The following STX8 variants were observed in gnomAD, a reference collection of about 807,000 sequenced individuals.
The protein encoded by STX8 is syntaxin 8.
In STX8, 23 loss-of-function variants were observed where a neutral mutation model predicts 37.5. The ratio of observed to expected loss-of-function variants is 0.61; its 90% confidence interval spans 0.44 to 0.87. STX8 has a LOEUF of 0.87. Among genes scored for constraint, STX8 ranks in the 40% least tolerant of loss-of-function variants. The probability of loss-of-function intolerance (pLI) is 0.00; values close to 1 mark genes in which losing one functional copy is unlikely to be tolerated. For synonymous variants in STX8, 115 were observed against 99.1 expected (o/e 1.16, Z -0.95); for missense variants, 313 against 284.7 (o/e 1.10, Z -0.71).
chr17:9,549,846 G>A (rs1906692641), intron 3 of STX8, among the ~76,000 whole-genome samples: 1 of 152,180 alleles, frequency 6.6e-6, no homozygotes, highest in South Asian at 2.1e-4. Context: ...TATACAGCAT[G>A]TATGTGGACA....
intron 7 of STX8, among the ~76,000 whole-genome samples, chr17:9,361,185 G>A (rs1042617525): frequency 1.3e-5 from 2 of 152,046 alleles, no homozygotes; most frequent in African/African-American, 4.8e-5. Flanking sequence ...GTCAATTAAT[G>A]GATCCCTAGA....
Position 9,535,424 on chromosome 17 carries a change from C to CCTTTTTTTTTTTTT in STX8, c.323+9747_323+9748insAAAAAAAAAAAAAG, listed in dbSNP as rs1905992804. 3.3e-4 allele frequency among the ~76,000 whole-genome samples: 17 copies of CCTTTTTTTTTTTTT among 51,564 alleles called. 2 individuals are homozygous for CCTTTTTTTTTTTTT. Among genetic ancestry groups the CCTTTTTTTTTTTTT allele is most frequent in the African/African-American group, 1.2e-3 (16 of 13,610 alleles). 33.8% of individuals were successfully genotyped at this position (51,564 alleles called of 152,430 possible). On this transcript the variant is annotated intron_variant, in intron 4 of 7. Coordinates refer to ENST00000306357, the MANE Select transcript of STX8 (RefSeq NM_004853.3). ...CATACCCTCTGACCCAGCCATCCTA[C>CCTTTTTTTTTTTTT]TTTTTTTTTTTTTTTTTTTTTTTTT...
At chr17:9,351,176 CTTTTTT>C (rs71135970) in intron 7 of STX8, among the ~76,000 whole-genome samples, 4 of 99,814 alleles carry the variant, frequency 4.0e-5, no homozygotes, top group African/African-American at 1.2e-4. Flanking sequence ...ATTTCCTTGT[CTTTTTT>C]TTTTTTTTTT....
At chr17:9,563,714 T>C (rs1308208651) in intron 2 of STX8, among the ~76,000 whole-genome samples, 1 of 152,150 alleles carries the variant, frequency 6.6e-6, no homozygotes, top group African/African-American at 2.4e-5. Context: ...CTGAACAATG[T>C]AAATGTTTTA....
chr17:9,474,092 G>T (rs140464230), intron 6 of STX8, among the ~76,000 whole-genome samples: 377 of 152,254 alleles, frequency 2.5e-3, no homozygotes, highest in African/African-American at 8.8e-3. Flanking sequence ...AAGGTTCAGG[G>T]AGCTGCTGGA....
chr17:9,455,873 A>G (rs1905172683), intron 6 of STX8, among the ~76,000 whole-genome samples: 1 of 152,154 alleles, frequency 6.6e-6, no homozygotes, highest in Admixed American at 6.5e-5. Context: ...TTGCTACTAT[A>G]AGGGGGAGGT....
intron 6 of STX8, among the ~76,000 whole-genome samples, chr17:9,450,057 T>TAA (rs79557365): frequency 3.3e-5 from 5 of 151,504 alleles, no homozygotes; most frequent in South Asian, 2.1e-4. Context: ...AAATTGTTCA[T>TAA]AAAAAAAAGA....
intron 7 of STX8, among the ~76,000 whole-genome samples, chr17:9,316,069 C>T (rs576742136): frequency 1.3e-5 from 2 of 151,682 alleles, no homozygotes; most frequent in East Asian, 3.9e-4. Flanking sequence ...ATATGAACCT[C>T]GTGATTCATC....
chr17:9,432,715 C>G (rs1360697914), intron 6 of STX8, among the ~76,000 whole-genome samples: 1 of 152,228 alleles, frequency 6.6e-6, no homozygotes, highest in Non-Finnish European at 1.5e-5. Flanking sequence ...CACCACGTGT[C>G]TGTTTCAGAG....
intron 6 of STX8, among the ~76,000 whole-genome samples, chr17:9,452,900 G>A (rs773497505): frequency 6.6e-6 from 1 of 151,810 alleles, no homozygotes; most frequent in Non-Finnish European, 1.5e-5. Context: ...CTGCCTCCCG[G>A]GTTCAAGCTA....
In STX8 at chr17:9,458,340, G is replaced by A. The variant is rs886462756; in HGVS notation, c.541+33489C>T. Among the ~76,000 whole-genome samples, 41 of 152,108 alleles carry A rather than the reference G, an allele frequency of 2.7e-4. No homozygotes were observed. In the South Asian group the frequency reaches 7.3e-3, roughly 27 times the overall value. On this transcript the variant is annotated intron_variant, in intron 6 of 7. Transcript: ENST00000306357. Reference sequence around the variant, plus strand: ...AATTTTTTGTATTTTTAGTAGAGATGGGGTTTCACCGTGTCAGCCAGGATG... The same window carrying A: ...AATTTTTTGTATTTTTAGTAGAGATAGGGTTTCACCGTGTCAGCCAGGATG...
intron 4 of STX8, among the ~76,000 whole-genome samples, chr17:9,517,765 G>A (rs998224513): frequency 1.4e-5 from 2 of 139,546 alleles, no homozygotes; most frequent in Non-Finnish European, 3.1e-5. Context: ...ACCAGCCTGG[G>A]CAACAAAGCA....
chr17:9,454,573 G>A (rs182162549), intron 6 of STX8, among the ~76,000 whole-genome samples: 375 of 152,092 alleles, frequency 2.5e-3, no homozygotes, highest in African/African-American at 8.8e-3. Context: ...CCAGCTACTC[G>A]GGAGGCTGAG....
At chr17:9,484,749 C>T (rs1906510779) in intron 6 of STX8, among the ~76,000 whole-genome samples, 1 of 151,932 alleles carries the variant, frequency 6.6e-6, no homozygotes, top group African/African-American at 2.4e-5. Context: ...ATCACTTGAA[C>T]CCGAGAGGTG....
chr17:9,448,548 G>GC (rs754248783), intron 6 of STX8, among the ~76,000 whole-genome samples: 29,790 of 151,886 alleles, frequency 0.2, 3,771 homozygotes, highest in East Asian at 0.64. Flanking sequence ...TGTGCGTTAC[G>GC]GAGAAAATAC....
At chr17:9,394,850 G>A (rs866309744) in intron 6 of STX8, among the ~76,000 whole-genome samples, 4 of 149,964 alleles carry the variant, frequency 2.7e-5, no homozygotes, top group Non-Finnish European at 4.5e-5. Flanking sequence ...GGTGAATCAC[G>A]AGGTCAGGAG....
At chr17:9,378,522 A>T in intron 7 of STX8, 30 bp downstream of exon 7, 2 of 1,572,988 alleles carry the variant, frequency 1.3e-6, no homozygotes, top group African/African-American at 2.7e-5. Context: ...GCTATGACAG[A>T]AACAGAGCCA....
At chr17:9,413,087 A>G (rs1913037174) in intron 6 of STX8, among the ~76,000 whole-genome samples, 1 of 152,196 alleles carries the variant, frequency 6.6e-6, no homozygotes, top group Non-Finnish European at 1.5e-5. Flanking sequence ...ACCCTCAAGA[A>G]GCTTACTAGA....
At chr17:9,261,610 C>T (rs1907042682) in intron 7 of STX8, among the ~76,000 whole-genome samples, 2 of 152,066 alleles carry the variant, frequency 1.3e-5, no homozygotes, top group Admixed American at 1.3e-4. Context: ...TTTGTAGGCC[C>T]CATCTGTGTT....
Sources: allele counts gnomAD v4.1 joint callset (sites outside exome capture counted in the v4.1 genomes callset), GRCh38; gene constraint gnomAD v4.1.1; transcripts MANE v1.5; gene names NCBI Gene and HGNC (gene_info 2026-07-23, HGNC 2026-07-21).